Variants in PSD3 observed in about 807,000 individuals in gnomAD.
The protein encoded by PSD3 is PH and SEC7 domain-containing protein 3.
In PSD3, 49 loss-of-function variants were observed where a neutral mutation model predicts 105.5. That is an observed-to-expected ratio of 0.46 (90% CI 0.37 to 0.59). PSD3 has a LOEUF of 0.59. Among genes scored for constraint, PSD3 ranks in the 20% least tolerant of loss-of-function variants. The pLI is 0.00. For synonymous variants in PSD3, 557 were observed against 457.8 expected (o/e 1.22, Z -2.77); for missense variants, 1,561 against 1,263.8 (o/e 1.24, Z -3.57).
chr8:18,825,331 G>C (rs562374900), intron 4 of PSD3, among the ~76,000 whole-genome samples: 3 of 152,288 alleles, frequency 2.0e-5, no homozygotes, highest in Admixed American at 2.0e-4. Context: ...GTGTCTGTAA[G>C]AGTCACCTGG....
chr8:18,932,034 G>A (rs925288424), intron 2 of PSD3, among the ~76,000 whole-genome samples: 2 of 152,172 alleles, frequency 1.3e-5, no homozygotes, highest in African/African-American at 2.4e-5. Context: ...AGGCAAAGGT[G>A]ACTTCTACTA....
At chr8:18,924,653 A>T (rs866896844) in intron 2 of PSD3, 2 of 152,222 alleles carry the variant, frequency 1.3e-5, no homozygotes, top group Non-Finnish European at 2.9e-5. Flanking sequence ...AGATCTGAAT[A>T]GGCATGAGTA....
At chr8:18,827,329 C>A (rs900550529) in intron 4 of PSD3, among the ~76,000 whole-genome samples, 1 of 152,116 alleles carries the variant, frequency 6.6e-6, no homozygotes, top group Non-Finnish European at 1.5e-5. Context: ...TTCCCAGCAC[C>A]AGGGATAGGT....
intron 1 of PSD3, among the ~76,000 whole-genome samples, chr8:19,076,741 A>G (rs1829473466): frequency 6.6e-6 from 1 of 152,166 alleles, no homozygotes; most frequent in Non-Finnish European, 1.5e-5. Context: ...TTTCTGTGGG[A>G]CATGTTAAAA....
At chr8:19,016,143 A>G (rs961915289), upstream of PSD3, among the ~76,000 whole-genome samples, 23 of 152,196 alleles carry the variant, frequency 1.5e-4, no homozygotes, top group African/African-American at 5.1e-4. Context: ...ATGAAGTAAG[A>G]ATCCCCATTT....
chr8:18,777,030 A>G (rs1420609776), intron 8 of PSD3, among the ~76,000 whole-genome samples: 1 of 151,806 alleles, frequency 6.6e-6, no homozygotes, highest in East Asian at 1.9e-4. Context: ...AGACTAGCAA[A>G]AAGTTTGTCA....
intron 8 of PSD3, among the ~76,000 whole-genome samples, chr8:18,793,474 A>T (rs1307997713): frequency 1.3e-5 from 2 of 152,124 alleles, no homozygotes; most frequent in Non-Finnish European, 2.9e-5. Context: ...CTGCACATAG[A>T]CCCCTGACCT....
chr8:18,755,274 A>T (rs1330929745), intron 9 of PSD3, among the ~76,000 whole-genome samples: 1 of 152,036 alleles, frequency 6.6e-6, no homozygotes, highest in Non-Finnish European at 1.5e-5. Context: ...TACTAAAAAT[A>T]CAAAAATTAG....
intron 4 of PSD3, chr8:18,865,257 TATATATATATATATATATATATATATA>T (rs1816787319): frequency 2.9e-3 from 13 of 4,508 alleles, no homozygotes; most frequent in South Asian, 0.017. Flanking sequence ...TATATATATA[TATATATATATATATATATATATATATA>T]TATTTTTTTT....
In PSD3 at chr8:18,657,705, C is replaced by T. The variant is rs74820188; in HGVS notation, c.2173-2020G>A. On this transcript the variant is annotated intron_variant, in intron 9 of 15. Transcript: ENST00000327040. ...CTCAGGAGGGCTTTCGTTGGATAAA[C>T]GCCTTTTAAATGAATTATATTACTT... is the stretch of plus-strand genomic sequence containing the variant. Among the ~76,000 whole-genome samples, 647 of 152,216 alleles carry T rather than the reference C, an allele frequency of 4.3e-3. 4 individuals are homozygous for T. Among genetic ancestry groups the T allele is most frequent in the African/African-American group, 0.015 (613 of 41,528 alleles).
At chr8:18,837,928 T>G (rs112937503) in intron 4 of PSD3, among the ~76,000 whole-genome samples, 1 of 152,222 alleles carries the variant, frequency 6.6e-6, no homozygotes, top group Non-Finnish European at 1.5e-5. Context: ...AGATGCCAGT[T>G]GTCTATCAGG....
At chr8:18,739,355 G>A (rs190295781) in intron 9 of PSD3, among the ~76,000 whole-genome samples, 1 of 152,220 alleles carries the variant, frequency 6.6e-6, no homozygotes, top group African/African-American at 2.4e-5. Context: ...TAAACTCGCT[G>A]TTGAAATACC....
chr8:19,031,524 C>T (rs746408490), intron 1 of PSD3, among the ~76,000 whole-genome samples: 4 of 151,618 alleles, frequency 2.6e-5, no homozygotes, highest in Non-Finnish European at 5.9e-5. Flanking sequence ...TTGAGCTGAC[C>T]TCTGCTTTTT....
intron 9 of PSD3, among the ~76,000 whole-genome samples, chr8:18,754,008 C>T (rs1268704167): frequency 1.3e-5 from 2 of 152,168 alleles, no homozygotes; most frequent in Non-Finnish European, 2.9e-5. Context: ...GCTACTGCCC[C>T]TCTATCTGAG....
At chr8:19,017,151 C>T (rs932883692), upstream of PSD3, among the ~76,000 whole-genome samples, 1 of 149,806 alleles carries the variant, frequency 6.7e-6, no homozygotes, top group Non-Finnish European at 1.5e-5. Flanking sequence ...CTCCCAGACT[C>T]AAGTAATCCT....
At chr8:18,745,656 C>T (rs60800056) in intron 9 of PSD3, among the ~76,000 whole-genome samples, 2 of 152,298 alleles carry the variant, frequency 1.3e-5, no homozygotes, top group African/African-American at 4.8e-5. Context: ...CTGGAAGCTA[C>T]GCTGCTCATT....
chr8:18,933,237 A>G (rs148942420), intron 2 of PSD3, among the ~76,000 whole-genome samples: 375 of 152,342 alleles, frequency 2.5e-3, no homozygotes, highest in African/African-American at 8.7e-3. Context: ...TGCCTCGGCT[A>G]TGATATATCT....
chr8:19,067,618 C>A (rs569597489), intron 1 of PSD3, among the ~76,000 whole-genome samples: 1 of 152,148 alleles, frequency 6.6e-6, no homozygotes, highest in Non-Finnish European at 1.5e-5. Context: ...ACAGAGGCTT[C>A]CCAGGGTGTC....
At chr8:18,841,738 T>A (rs972452795) in intron 4 of PSD3, among the ~76,000 whole-genome samples, 3 of 152,118 alleles carry the variant, frequency 2.0e-5, no homozygotes, top group African/African-American at 7.2e-5. Flanking sequence ...GAATGAACCA[T>A]CTTCAGGAAG....
Sources: gnomAD v4.1 joint callset for allele counts (sites outside exome capture counted in the v4.1 genomes callset) on GRCh38, gnomAD v4.1.1 for gene constraint, MANE v1.5 for transcripts, NCBI Gene and HGNC (gene_info 2026-07-23, HGNC 2026-07-21) for gene names.